The following SLC22A3 variants were observed in gnomAD, a reference collection of about 807,000 sequenced individuals.
SLC22A3 encodes solute carrier family 22 member 3, also known as EMT organic cation transporter 3.
SLC22A3 carries 51 observed loss-of-function variants against 59.1 expected under a neutral mutation model. That is an observed-to-expected ratio of 0.86 (90% confidence interval 0.69 to 1.09). SLC22A3 has a LOEUF of 1.09. Among genes scored for constraint, SLC22A3 ranks in the 50% least tolerant of loss-of-function variants. SLC22A3 has a pLI of 0.00. For missense variants in SLC22A3, 711 were observed against 726.3 expected (o/e 0.98, Z 0.24); for synonymous variants, 325 against 292.0 (o/e 1.11, Z -1.15).
intron 1 of SLC22A3, among the ~76,000 whole-genome samples, chr6:160,359,603 C>A (rs537535887): frequency 1.3e-5 from 2 of 152,170 alleles, no homozygotes; most frequent in African/African-American, 4.8e-5. Flanking sequence ...GGAGAGCCTG[C>A]AGTTTAATTA....
At position 160,451,823 on chromosome 6, in the gene SLC22A3, A is replaced by G; in HGVS notation, c.*767A>G. ...CATTTTTGGCTCTCCTTTAGTGGAC[A>G]CCTAGAGCCACAGATTCCCTTCTTT... On this transcript the variant is annotated 3_prime_UTR_variant, in exon 11 of 11. Transcript: ENST00000275300. The G allele has an allele frequency of 6.6e-6, 1 of 152,210 alleles. No individual in the cohort carries two copies. The highest frequency in any genetic ancestry group is 1.5e-5 in the Non-Finnish European group (1 of 68,032). 9.4% of individuals were successfully genotyped at this position (152,210 alleles called of 1,614,324 possible).
intron 7 of SLC22A3, among the ~76,000 whole-genome samples, chr6:160,440,167 A>C (rs560776267): frequency 6.6e-6 from 1 of 152,328 alleles, no homozygotes; most frequent in South Asian, 2.1e-4. Flanking sequence ...ACACTCATTA[A>C]TGTCTGGAAA....
chr6:160,398,226 A>G, intron 2 of SLC22A3, 144 bp downstream of exon 2: 1 of 653,960 alleles, frequency 1.5e-6, no homozygotes. Context: ...TGACATCCAC[A>G]CTTGGTTGGT....
chr6:160,362,537 G>T (rs1785049344), intron 1 of SLC22A3, among the ~76,000 whole-genome samples: 2 of 152,200 alleles, frequency 1.3e-5, no homozygotes, highest in Non-Finnish European at 2.9e-5. Context: ...GTCTCCATGT[G>T]AGTTTCCAGG....
rs964008481 is a variant in SLC22A3, at chr6:160,355,751, G to A, written c.429+6903G>A. On this transcript the variant is annotated intron_variant, in intron 1 of 10. Coordinates refer to ENST00000275300, the MANE Select transcript of SLC22A3 (RefSeq NM_021977.4). The stretch of plus-strand genomic sequence containing the variant: ...CGCACCACTGCACTCCAGCCTGGGC[G>A]ACAGTTAGAGACTCTGTCTCAAAAC... 3.9e-5 allele frequency among the ~76,000 whole-genome samples: 6 copies of A among 151,922 alleles called. No individual in the cohort carries two copies. In the East Asian group the frequency reaches 1.2e-3, roughly 29 times the overall value.
At chr6:160,396,898 A>T (rs1057030246) in intron 1 of SLC22A3, among the ~76,000 whole-genome samples, 1 of 152,202 alleles carries the variant, frequency 6.6e-6, no homozygotes, top group African/African-American at 2.4e-5. Context: ...AAGTATGGTG[A>T]CAAAACCTAT....
chr6:160,435,566 C>T (rs1269597203), intron 5 of SLC22A3, among the ~76,000 whole-genome samples: 2 of 152,148 alleles, frequency 1.3e-5, no homozygotes, highest in African/African-American at 4.8e-5. Flanking sequence ...TTTGGTTGAT[C>T]TATTGAATTT....
At position 160,353,409 on chromosome 6, in the gene SLC22A3, G is replaced by A. The variant is rs486359; in HGVS notation, c.429+4561G>A. ...CTAGGCTGGGGATACAAAGATACACGAGTCTTTCTCAAAACAGCGTGAAGC... is the reference window on the plus strand; with the variant it reads ...CTAGGCTGGGGATACAAAGATACACAAGTCTTTCTCAAAACAGCGTGAAGC... On this transcript the variant is annotated intron_variant, in intron 1 of 10. Transcript: ENST00000275300. Among the ~76,000 whole-genome samples the A allele has an allele frequency of 5.3e-5, 8 of 152,056 alleles. No individual in the cohort carries two copies. The South Asian group carries it at 1.7e-3, about 32-fold the overall frequency.
chr6:160,358,578 C>T (rs570258826), intron 1 of SLC22A3, among the ~76,000 whole-genome samples: 1 of 152,292 alleles, frequency 6.6e-6, no homozygotes, highest in Admixed American at 6.5e-5. Flanking sequence ...GTCGGAGCTA[C>T]CAGATTTGGC....
chr6:160,422,315 C>A (rs1406312506), intron 5 of SLC22A3, among the ~76,000 whole-genome samples: 1 of 152,186 alleles, frequency 6.6e-6, no homozygotes, highest in Non-Finnish European at 1.5e-5. Flanking sequence ...CATTGTCATT[C>A]AATCTCTTGA....
chr6:160,362,351 A>T (rs1785043190), intron 1 of SLC22A3, among the ~76,000 whole-genome samples: 1 of 152,228 alleles, frequency 6.6e-6, no homozygotes, highest in South Asian at 2.1e-4. Context: ...TCTGTCTTCA[A>T]GGAGCACTTC....
chr6:160,376,092 G>A lies in SLC22A3; in HGVS notation c.430-21887G>A, dbSNP rs552529359. ...TGAATTTTACAATAGCAAAGACATG[G>A]AACCAACCCAAATGCCCATCAGTGA... On this transcript the variant is annotated intron_variant, in intron 1 of 10. Coordinates refer to ENST00000275300, the MANE Select transcript of SLC22A3 (RefSeq NM_021977.4). Among the ~76,000 whole-genome samples the A allele has an allele frequency of 5.3e-5, 8 of 152,188 alleles. No individual in the cohort carries two copies. The East Asian group carries it at 1.5e-3, about 29-fold the overall frequency.
chr6:160,374,654 C>A (rs939305092), intron 1 of SLC22A3, among the ~76,000 whole-genome samples: 1 of 152,122 alleles, frequency 6.6e-6, no homozygotes, highest in Admixed American at 6.5e-5. Flanking sequence ...TGGAGAGGCC[C>A]CTGGCTTTGG....
chr6:160,451,045 T>G lies in SLC22A3; in HGVS notation c.1660T>G (p.Ser554Ala). 6.3e-7 allele frequency: 1 copy of G among 1,593,570 alleles called. No homozygotes were observed. The highest frequency in any genetic ancestry group is 8.6e-7 in the Non-Finnish European group (1 of 1,168,212). Residue 554 changes from serine (S) to alanine (A), a missense_variant, in exon 11 of 11, where the codon TCT becomes GCT. Physicochemically the swap from Ser to Ala is moderately conservative, Grantham distance 99. Coordinates refer to ENST00000275300, the MANE Select transcript of SLC22A3 (RefSeq NM_021977.4). ...GAATAAGAAAACCCCAGTTTCCCGCTCTCACCTTTGAGGCCCCCGACAAAG... is the reference window on the plus strand; with the variant it reads ...GAATAAGAAAACCCCAGTTTCCCGCGCTCACCTTTGAGGCCCCCGACAAAG... ...GRNKKTPVSRSHL is the reference protein window; with the variant it reads ...GRNKKTPVSRAHL
Position 160,451,260 on chromosome 6 carries a change from C to T in SLC22A3, c.*204C>T, listed in dbSNP as rs1052205551. On this transcript the variant is annotated 3_prime_UTR_variant, in exon 11 of 11. Transcript: ENST00000275300. Reference sequence around the variant, plus strand: ...GTAATGCTGTTGAAGTTTCTGGGAACACATAATATGTAGCCAGTTTAACAA... The same window carrying T: ...GTAATGCTGTTGAAGTTTCTGGGAATACATAATATGTAGCCAGTTTAACAA... 34 of 573,984 alleles carry T rather than the reference C, an allele frequency of 5.9e-5. No individual in the cohort carries two copies. Among genetic ancestry groups the T allele is most frequent in the African/African-American group, 1.9e-5 (1 of 53,202 alleles). The allele number at this position is 573,984 out of a possible 1,614,324, so 35.6% of individuals were successfully genotyped here.
intron 5 of SLC22A3, among the ~76,000 whole-genome samples, chr6:160,427,739 C>A (rs1164083418): frequency 6.6e-6 from 1 of 152,174 alleles, no homozygotes; most frequent in Non-Finnish European, 1.5e-5. Context: ...TTCACTCAAA[C>A]TTGCTTTTTC....
At chr6:160,366,147 G>A (rs1206560112) in intron 1 of SLC22A3, among the ~76,000 whole-genome samples, 1 of 152,098 alleles carries the variant, frequency 6.6e-6, no homozygotes, top group African/African-American at 2.4e-5. Flanking sequence ...ACACAATCAT[G>A]CCTTCCCAAC....
chr6:160,410,612 T>C (rs1182184565), intron 4 of SLC22A3, 117 bp from the exon 5 acceptor site: 12 of 743,204 alleles, frequency 1.6e-5, no homozygotes, highest in African/African-American at 3.5e-5. Flanking sequence ...TCAACTCTTA[T>C]TGACTCCTAA....
chr6:160,355,663 C>T (rs907389324), intron 1 of SLC22A3, among the ~76,000 whole-genome samples: 8 of 151,886 alleles, frequency 5.3e-5, no homozygotes, highest in East Asian at 3.9e-4. Context: ...TCCCAGCTAC[C>T]GGGGAGGTTG....
Sources: gnomAD v4.1 joint callset for allele counts (sites outside exome capture counted in the v4.1 genomes callset) on GRCh38, gnomAD v4.1.1 for gene constraint, MANE v1.5 for transcripts, NCBI Gene and HGNC (gene_info 2026-07-23, HGNC 2026-07-21) for gene names.